DENND1A: variants seen among roughly 807,000 people sequenced by gnomAD.
DENND1A encodes the protein DENN domain containing 1A.
DENND1A carries 51 observed loss-of-function variants against 113.7 expected under a neutral mutation model. That is an observed-to-expected ratio of 0.45 (90% CI 0.36 to 0.57). The LOEUF (loss-of-function observed/expected upper bound fraction) is 0.57, where lower values mean the gene tolerates loss of function less well. Among genes scored for constraint, DENND1A ranks in the 20% least tolerant of loss-of-function variants. DENND1A has a pLI of 0.00. For missense variants in DENND1A, 1,258 were observed against 1,395.9 expected, an observed-to-expected ratio of 0.90 and a Z score of 1.57; for synonymous variants, 565 against 570.8, an observed-to-expected ratio of 0.99 and a Z score of 0.14.
chr9:123,500,767 C>T (rs938991886), intron 13 of DENND1A, among the ~76,000 whole-genome samples: 7 of 152,166 alleles, frequency 4.6e-5, no homozygotes, highest in African/African-American at 1.4e-4. Context: ...AATGCAAAAA[C>T]GCTGTCACAC....
At chr9:123,845,661 A>G (rs1842484446) in intron 2 of DENND1A, among the ~76,000 whole-genome samples, 1 of 137,074 alleles carries the variant, frequency 7.3e-6, no homozygotes, top group Non-Finnish European at 1.5e-5. Flanking sequence ...CCAAGTGAGA[A>G]CCTGTCTCCA....
chr9:123,693,173 C>A (rs779942382), intron 5 of DENND1A, among the ~76,000 whole-genome samples: 1 of 152,174 alleles, frequency 6.6e-6, no homozygotes, highest in Non-Finnish European at 1.5e-5. Context: ...TGAATCCATA[C>A]AACATTTCCA....
rs192688538 is a variant in DENND1A at position 123,828,419 on chromosome 9, T to G, written c.89-35789A>C. On this transcript the variant is annotated intron_variant, in intron 2 of 23. Transcript: ENST00000394215. The stretch of plus-strand genomic sequence containing the variant: ...CTACTGTGACTAGGCCTAACTTGTA[T>G]GTCATTGGGAGTCCCAGAAAAAAGA... Among the ~76,000 whole-genome samples the G allele has an allele frequency of 1.2e-3, 176 of 152,136 alleles. 1 individual carries two copies. Among genetic ancestry groups the G allele is most frequent in the Admixed American group, 2.0e-3 (31 of 15,288 alleles).
intron 13 of DENND1A, among the ~76,000 whole-genome samples, chr9:123,491,559 G>A (rs1485605874): frequency 1.3e-5 from 2 of 152,164 alleles, no homozygotes; most frequent in Non-Finnish European, 2.9e-5. Flanking sequence ...AGCTTGCTGG[G>A]TCTCAGCTGA....
intron 2 of DENND1A, among the ~76,000 whole-genome samples, chr9:123,831,959 G>T (rs1225772808): frequency 6.6e-6 from 1 of 151,936 alleles, no homozygotes; most frequent in African/African-American, 2.4e-5. Context: ...CTCCAGCCTG[G>T]GCAACAGAGT....
At chr9:123,857,366 A>G (rs374991839) in intron 2 of DENND1A, among the ~76,000 whole-genome samples, 10 of 152,378 alleles carry the variant, frequency 6.6e-5, no homozygotes, top group African/African-American at 2.2e-4. Context: ...ACAACCTTGA[A>G]TAAGAAAGGA....
chr9:123,568,085 A>C (rs1336717051), intron 12 of DENND1A, among the ~76,000 whole-genome samples: 4 of 152,012 alleles, frequency 2.6e-5, no homozygotes, highest in African/African-American at 9.7e-5. Flanking sequence ...GACAACTCAG[A>C]TGGAGCAATG....
In DENND1A at chr9:123,497,813, CAAAAAA is replaced by C. The variant is rs755257150; in HGVS notation, c.994-39922_994-39917del. 1.7e-4 allele frequency among the ~76,000 whole-genome samples: 17 copies of C among 101,776 alleles called. No individual in the cohort carries two copies. The South Asian group carries it at 2.5e-3, about 15-fold the overall frequency. 66.8% of individuals were successfully genotyped at this position (101,776 alleles called of 152,430 possible). The stretch of plus-strand genomic sequence containing the variant: ...TCCACAGTCCAATCTCTCTTCCATC[CAAAAAA>C]AAAAAAAAAAAAGAAAAAATCTATC... On this transcript the variant is annotated intron_variant, in intron 13 of 23. Coordinates refer to ENST00000394215, the MANE Select transcript of DENND1A (RefSeq NM_001352964.2).
intron 13 of DENND1A, among the ~76,000 whole-genome samples, chr9:123,460,609 A>T (rs941975340): frequency 6.6e-6 from 1 of 152,164 alleles, no homozygotes; most frequent in Admixed American, 6.5e-5. Flanking sequence ...TGGACCTATC[A>T]GACTTTCTAA....
intron 5 of DENND1A, chr9:123,751,415 C>T (rs192066235): frequency 6.6e-6 from 1 of 152,230 alleles, no homozygotes; most frequent in East Asian, 1.9e-4. Flanking sequence ...AAAAAAACCC[C>T]CTGCAGTTGA....
At chr9:123,522,402 G>A (rs1164300642) in intron 13 of DENND1A, among the ~76,000 whole-genome samples, 2 of 152,192 alleles carry the variant, frequency 1.3e-5, no homozygotes, top group Non-Finnish European at 2.9e-5. Context: ...CAGGCCTGGT[G>A]CATGGGAGCA....
chr9:123,434,221 T>A (rs1156854839), intron 19 of DENND1A, among the ~76,000 whole-genome samples: 1 of 152,166 alleles, frequency 6.6e-6, no homozygotes, highest in Non-Finnish European at 1.5e-5. Flanking sequence ...GAGACAGGGT[T>A]TCACCATGTT....
intron 11 of DENND1A, among the ~76,000 whole-genome samples, chr9:123,588,300 AAAAAAT>A (rs1170145752): frequency 4.1e-5 from 6 of 147,870 alleles, no homozygotes; most frequent in Admixed American, 3.3e-4. Context: ...AAAAAAAAAA[AAAAAAT>A]TATAGATGCC....
At chr9:123,927,230 A>T (rs1006697499) in intron 1 of DENND1A, among the ~76,000 whole-genome samples, 27 of 152,312 alleles carry the variant, frequency 1.8e-4, no homozygotes, top group Admixed American at 1.2e-3. Context: ...GTGCCTAGCA[A>T]CTCACGTGCT....
intron 2 of DENND1A, among the ~76,000 whole-genome samples, chr9:123,794,766 T>TA (rs1165647935): frequency 6.6e-6 from 1 of 152,122 alleles, no homozygotes; most frequent in South Asian, 2.1e-4. Context: ...TAAACTCATT[T>TA]AAAAAATATT....
intron 11 of DENND1A, among the ~76,000 whole-genome samples, chr9:123,598,414 GGGA>G (rs1193507899): frequency 7.3e-5 from 11 of 150,514 alleles, no homozygotes; most frequent in Non-Finnish European, 1.3e-4. Flanking sequence ...TTGAGGTTGG[GGGA>G]GGGGGGAAAA....
chr9:123,779,257 C>T (rs937767470), intron 3 of DENND1A, among the ~76,000 whole-genome samples: 38 of 152,192 alleles, frequency 2.5e-4, no homozygotes, highest in African/African-American at 7.7e-4. Context: ...TGTCCAATGA[C>T]GTTCCATTAG....
chr9:123,843,016 T>C, intron 2 of DENND1A: 10 of 462,252 alleles, frequency 2.2e-5, no homozygotes, highest in South Asian at 1.5e-4. Flanking sequence ...GCGAGAGAGA[T>C]AGCCACTCAA....
intron 2 of DENND1A, chr9:123,843,350 G>T: frequency 2.9e-6 from 1 of 344,798 alleles, no homozygotes; most frequent in Non-Finnish European, 5.8e-6. Flanking sequence ...AGCTAAAAGA[G>T]TTGGTGTTGG....
Sources: gnomAD v4.1 joint callset for allele counts (sites outside exome capture counted in the v4.1 genomes callset) on GRCh38, gnomAD v4.1.1 for gene constraint, MANE v1.5 for transcripts, NCBI Gene and HGNC (gene_info 2026-07-23, HGNC 2026-07-21) for gene names.